DOCK2: variants seen among roughly 807,000 people sequenced by gnomAD.
The protein encoded by DOCK2 is dedicator of cytokinesis protein 2.
DOCK2 carries 87 observed loss-of-function variants against 248.9 expected under a neutral mutation model. That is an observed-to-expected ratio of 0.35 (90% CI 0.29 to 0.42). The LOEUF is 0.42. DOCK2 is among the 10% of genes least tolerant of loss of function. The pLI, the probability that DOCK2 is intolerant of heterozygous loss-of-function variation, is 1.00. For synonymous variants in DOCK2, 805 were observed against 821.6 expected, an observed-to-expected ratio of 0.98 and a Z score of 0.35; for missense variants, 1,747 against 2,300.2, an observed-to-expected ratio of 0.76 and a Z score of 4.92.
intron 34 of DOCK2, among the ~76,000 whole-genome samples, chr5:170,030,093 A>C (rs1486049325): frequency 6.6e-6 from 1 of 152,256 alleles, no homozygotes; most frequent in Admixed American, 6.5e-5. Flanking sequence ...TCTAAACAAG[A>C]AAATCAAAAT....
chr5:169,739,673 A>G (rs1049634366), intron 22 of DOCK2, among the ~76,000 whole-genome samples: 1 of 152,152 alleles, frequency 6.6e-6, no homozygotes, highest in Non-Finnish European at 1.5e-5. Context: ...TTTCTGTTAT[A>G]TATTTTCAAT....
At chr5:169,959,176 A>G (rs1340595394) in intron 27 of DOCK2, among the ~76,000 whole-genome samples, 1 of 152,096 alleles carries the variant, frequency 6.6e-6, no homozygotes, top group Non-Finnish European at 1.5e-5. Flanking sequence ...GCGGATCATG[A>G]GGTCAGGACA....
intron 33 of DOCK2, 77 bp downstream of exon 33, chr5:170,019,185 A>T: frequency 1.2e-6 from 2 of 1,600,942 alleles, no homozygotes; most frequent in South Asian, 2.2e-5. Flanking sequence ...TCCTCATTCC[A>T]TCTCCCTGAG....
intron 29 of DOCK2, among the ~76,000 whole-genome samples, chr5:169,993,549 T>TTGTGTGTGTGTGTGTGTGTGTGTG (rs10626609): frequency 4.2e-4 from 63 of 149,478 alleles, no homozygotes; most frequent in African/African-American, 1.4e-3. Flanking sequence ...TCACATCCAT[T>TTGTGTGTGTGTGTGTGTGTGTGTG]TGTGTGTGTG....
chr5:169,753,620 C>T (rs1440352884), intron 23 of DOCK2, among the ~76,000 whole-genome samples: 1 of 152,126 alleles, frequency 6.6e-6, no homozygotes, highest in Non-Finnish European at 1.5e-5. Flanking sequence ...TAATCACCAC[C>T]AAACAATAGC....
At chr5:169,702,121 C>A in intron 13 of DOCK2, 182 bp from the exon 14 acceptor site, 1 of 541,708 alleles carries the variant, frequency 1.8e-6, no homozygotes, top group Non-Finnish European at 3.0e-6. Flanking sequence ...CCTTCATCCC[C>A]GTGTTACCTA....
intron 25 of DOCK2, among the ~76,000 whole-genome samples, chr5:169,782,040 G>A (rs1765742835): frequency 6.6e-6 from 1 of 152,122 alleles, no homozygotes; most frequent in Non-Finnish European, 1.5e-5. Flanking sequence ...GTAACAGGAG[G>A]TTCACCACAG....
In DOCK2 at chr5:170,061,614, T is replaced by C. The variant is rs139236716; in HGVS notation, c.4467+3948T>C. On this transcript the variant is annotated intron_variant, in intron 44 of 51. Coordinates refer to ENST00000520908, the MANE Select transcript of DOCK2 (RefSeq NM_004946.3). ...TGACCTGAAAGTTACATATTTGGTTTATACAAATGCCCGTAGGCGAGAAGC... is the reference window on the plus strand; with the variant it reads ...TGACCTGAAAGTTACATATTTGGTTCATACAAATGCCCGTAGGCGAGAAGC... Among the ~76,000 whole-genome samples, 118 of 152,370 alleles carry C rather than the reference T, an allele frequency of 7.7e-4. 2 individuals are homozygous for C. In the East Asian group the frequency reaches 0.016, roughly 20 times the overall value.
chr5:169,829,574 A>G (rs1408495052), intron 26 of DOCK2, among the ~76,000 whole-genome samples: 4 of 152,238 alleles, frequency 2.6e-5, no homozygotes, highest in Admixed American at 2.6e-4. Context: ...GAAAGTTTAC[A>G]CGTTAGGACC....
chr5:169,719,812 T>C (rs1039849925), intron 22 of DOCK2, among the ~76,000 whole-genome samples: 2 of 152,172 alleles, frequency 1.3e-5, no homozygotes, highest in Non-Finnish European at 2.9e-5. Context: ...TGTGCATTAC[T>C]GGAGTCATAG....
chr5:169,669,030 A>C (rs1371480731), intron 2 of DOCK2, among the ~76,000 whole-genome samples: 1 of 152,132 alleles, frequency 6.6e-6, no homozygotes, highest in Non-Finnish European at 1.5e-5. Context: ...AGCACTGGCC[A>C]GCACTACTGG....
chr5:169,714,860 A>G (rs1161020386), intron 19 of DOCK2, among the ~76,000 whole-genome samples: 1 of 152,222 alleles, frequency 6.6e-6, no homozygotes, highest in Admixed American at 6.5e-5. Context: ...ACCAAAGCAT[A>G]TAAAACAAAG....
At chr5:170,039,011 G>T (rs1339309100) in intron 36 of DOCK2, among the ~76,000 whole-genome samples, 1 of 152,202 alleles carries the variant, frequency 6.6e-6, no homozygotes, top group African/African-American at 2.4e-5. Context: ...ACTCCGATTG[G>T]CAGAACGTTA....
At chr5:169,977,540 G>A (rs908021476) in intron 27 of DOCK2, among the ~76,000 whole-genome samples, 2 of 152,164 alleles carry the variant, frequency 1.3e-5, no homozygotes, top group Non-Finnish European at 2.9e-5. Flanking sequence ...TACAGATGAG[G>A]CAGCTGAGGC....
At chr5:169,769,284 A>G (rs1345478322) in intron 25 of DOCK2, among the ~76,000 whole-genome samples, 1 of 152,148 alleles carries the variant, frequency 6.6e-6, no homozygotes. Context: ...CGTTTCCCTC[A>G]GTTTATCTAA....
At chr5:169,638,177 A>T (rs865791373) in intron 1 of DOCK2, among the ~76,000 whole-genome samples, 5 of 152,202 alleles carry the variant, frequency 3.3e-5, no homozygotes, top group African/African-American at 1.2e-4. Context: ...GGCGGATACC[A>T]GACACCATCT....
chr5:169,676,082 G>A (rs1173747595), intron 6 of DOCK2, among the ~76,000 whole-genome samples: 1 of 152,190 alleles, frequency 6.6e-6, no homozygotes, highest in Non-Finnish European at 1.5e-5. Flanking sequence ...ACCTTCAAAT[G>A]TTGTTTTCTC....
chr5:169,840,900 C>T lies in DOCK2; in HGVS notation c.2799+48C>T, dbSNP rs1355572813. ...TCAAATGTTGCAAGCTCTTCAGCAT[C>T]TAAAAATGGATTTTCTGAAAAGGCA... On this transcript the variant is annotated intron_variant, in intron 27 of 51. Coordinates refer to ENST00000520908, the MANE Select transcript of DOCK2 (RefSeq NM_004946.3). 1.9e-6 allele frequency: 3 copies of T among 1,584,728 alleles called. No homozygotes were observed. In the East Asian group the frequency reaches 6.8e-5, roughly 36 times the overall value.
At chr5:169,735,579 G>GT (rs1455435274) in intron 22 of DOCK2, among the ~76,000 whole-genome samples, 1 of 152,176 alleles carries the variant, frequency 6.6e-6, no homozygotes, top group Non-Finnish European at 1.5e-5. Flanking sequence ...TGTTTTACAT[G>GT]TATAGACGTC....
Sources: allele counts gnomAD v4.1 joint callset (sites outside exome capture counted in the v4.1 genomes callset), GRCh38; gene constraint gnomAD v4.1.1; transcripts MANE v1.5; gene names NCBI Gene and HGNC (gene_info 2026-07-23, HGNC 2026-07-21).